Variants in SERGEF observed in about 807,000 individuals in gnomAD.
SERGEF encodes the protein secretion-regulating guanine nucleotide exchange factor.
Under a neutral mutation model 50.0 loss-of-function variants are expected in SERGEF, and 51 were observed. That is an observed-to-expected ratio of 1.02 (90% CI 0.81 to 1.29). The LOEUF is 1.29. Among genes scored for constraint, SERGEF ranks in the 50% most tolerant of loss-of-function variants. The pLI is 0.00. For missense variants in SERGEF, 521 were observed against 557.0 expected (o/e 0.94, Z 0.65); for synonymous variants, 205 against 212.4 (o/e 0.97, Z 0.30).
At chr11:17,883,976 G>A (rs1410146294) in intron 9 of SERGEF, among the ~76,000 whole-genome samples, 3 of 152,134 alleles carry the variant, frequency 2.0e-5, no homozygotes, top group Admixed American at 2.0e-4. Flanking sequence ...GGTGGGAAAC[G>A]AACACCGGGT....
chr11:17,894,632 A>G (rs555319861), intron 9 of SERGEF, among the ~76,000 whole-genome samples: 6 of 152,294 alleles, frequency 3.9e-5, no homozygotes, highest in African/African-American at 1.2e-4. Context: ...TGTACATAGT[A>G]GGTCTTAATG....
intron 10 of SERGEF, among the ~76,000 whole-genome samples, chr11:17,862,814 G>A (rs1422354824): frequency 6.6e-6 from 1 of 152,168 alleles, no homozygotes; most frequent in Admixed American, 6.5e-5. Flanking sequence ...TGGACTGCCT[G>A]GCCATTGTCA....
At chr11:18,011,352 G>C (rs970794153) in intron 1 of SERGEF, among the ~76,000 whole-genome samples, 2 of 152,166 alleles carry the variant, frequency 1.3e-5, no homozygotes, top group Non-Finnish European at 2.9e-5. Flanking sequence ...TAAAAGAAGA[G>C]ACACCACGGA....
At chr11:17,972,434 T>C (rs1367674888) in intron 8 of SERGEF, among the ~76,000 whole-genome samples, 1 of 152,176 alleles carries the variant, frequency 6.6e-6, no homozygotes, top group Non-Finnish European at 1.5e-5. Flanking sequence ...CAAGACCTTC[T>C]TCTAAAAGGC....
intron 10 of SERGEF, among the ~76,000 whole-genome samples, chr11:17,857,501 T>C (rs1405008064): frequency 6.6e-6 from 1 of 152,238 alleles, no homozygotes; most frequent in Admixed American, 6.5e-5. Context: ...AGCATCTGTC[T>C]AAGAGCTCCC....
At chr11:18,000,357 T>C (rs1027917725) in intron 5 of SERGEF, 140 bp downstream of exon 5, 1 of 592,394 alleles carries the variant, frequency 1.7e-6, no homozygotes, top group Admixed American at 3.6e-5. Flanking sequence ...GCTGAGGCAG[T>C]TAGACAGCTT....
intron 10 of SERGEF, among the ~76,000 whole-genome samples, chr11:17,812,988 C>T (rs1046688755): frequency 6.6e-6 from 1 of 152,270 alleles, no homozygotes; most frequent in South Asian, 2.1e-4. Flanking sequence ...ACTTTTCTGC[C>T]AACAGGACTG....
chr11:17,970,259 T>C (rs1374794635), intron 8 of SERGEF, among the ~76,000 whole-genome samples: 1 of 152,242 alleles, frequency 6.6e-6, no homozygotes, highest in African/African-American at 2.4e-5. Flanking sequence ...TTCATTGTTA[T>C]TATTACATCT....
intron 5 of SERGEF, among the ~76,000 whole-genome samples, chr11:17,997,489 AT>A (rs1245666483): frequency 6.6e-6 from 1 of 152,234 alleles, no homozygotes; most frequent in African/African-American, 2.4e-5. Flanking sequence ...AAAATTAAAA[AT>A]AGAATTACCA....
At chr11:17,944,878 A>G (rs1852628158) in intron 9 of SERGEF, among the ~76,000 whole-genome samples, 1 of 152,254 alleles carries the variant, frequency 6.6e-6, no homozygotes, top group African/African-American at 2.4e-5. Context: ...GAATTAAAAG[A>G]TCAAATAGTA....
At chr11:17,957,722 G>T (rs1852903643) in intron 9 of SERGEF, among the ~76,000 whole-genome samples, 1 of 144,876 alleles carries the variant, frequency 6.9e-6, no homozygotes, top group Non-Finnish European at 1.5e-5. Context: ...GTTCAACAGA[G>T]ATTCACTAGT....
At chr11:17,986,503 A>G (rs113748290) in intron 8 of SERGEF, among the ~76,000 whole-genome samples, 1 of 152,388 alleles carries the variant, frequency 6.6e-6, no homozygotes, top group African/African-American at 2.4e-5. Flanking sequence ...GCTGAGCTCC[A>G]GAGCAGCTGG....
In SERGEF at chr11:17,920,975, T is replaced by C. The variant is rs114097807; in HGVS notation, c.1011+38495A>G. On this transcript the variant is annotated intron_variant, in intron 9 of 10. Transcript: ENST00000265965. ...GGGGAATGTATTTAACAAAGGGACA[T>C]GTTCTATTTCCCTTTTTAACACCCA... Among the ~76,000 whole-genome samples, 876 of 152,330 alleles carry C rather than the reference T, an allele frequency of 5.8e-3. 7 individuals are homozygous for C. Among genetic ancestry groups the C allele is most frequent in the African/African-American group, 0.02 (823 of 41,578 alleles).
intron 10 of SERGEF, among the ~76,000 whole-genome samples, chr11:17,852,679 A>C (rs2023902): frequency 0.16 from 25,024 of 152,272 alleles, 2,341 homozygotes; most frequent in Middle Eastern, 0.29. Context: ...TCTGAAAAGC[A>C]AAGAAGTAGG....
In SERGEF at chr11:17,798,332, C is replaced by T. The variant is rs78964720; in HGVS notation, c.1049-9919G>A. Among the ~76,000 whole-genome samples, 468 of 152,366 alleles carry T rather than the reference C, an allele frequency of 3.1e-3. 10 individuals carry two copies. The highest frequency in any genetic ancestry group is 0.024 in the Admixed American group (369 of 15,304). ...ACCTCCCCGCTCCTCTCAACCACCC[C>T]CTGGCATCACTGCAGGCACCTCATC... On this transcript the variant is annotated intron_variant, in intron 10 of 10. Coordinates refer to ENST00000265965, the MANE Select transcript of SERGEF (RefSeq NM_012139.4).
intron 10 of SERGEF, among the ~76,000 whole-genome samples, chr11:17,862,224 C>T (rs1309093975): frequency 1.3e-5 from 2 of 152,228 alleles, no homozygotes; most frequent in African/African-American, 4.8e-5. Context: ...TTAAGACCCA[C>T]TTCAAGGATC....
At chr11:17,957,648 A>T (rs79640498) in intron 9 of SERGEF, among the ~76,000 whole-genome samples, 2,737 of 152,254 alleles carry the variant, frequency 0.018, 81 homozygotes, top group African/African-American at 0.062. Context: ...ATCAAAAGTC[A>T]TAAAGATGCT....
At chr11:17,814,341 T>G (rs982168608) in intron 10 of SERGEF, among the ~76,000 whole-genome samples, 3 of 152,228 alleles carry the variant, frequency 2.0e-5, no homozygotes, top group African/African-American at 7.2e-5. Context: ...ATCTCCAGAC[T>G]GCAACAGAGA....
intron 4 of SERGEF, among the ~76,000 whole-genome samples, chr11:18,002,619 C>T (rs1853987740): frequency 6.6e-6 from 1 of 152,188 alleles, no homozygotes; most frequent in Non-Finnish European, 1.5e-5. Flanking sequence ...TCTTCTCACC[C>T]CACCTTCCCC....
Sources: gnomAD v4.1 joint callset for allele counts (sites outside exome capture counted in the v4.1 genomes callset) on GRCh38, gnomAD v4.1.1 for gene constraint, MANE v1.5 for transcripts, NCBI Gene and HGNC (gene_info 2026-07-23, HGNC 2026-07-21) for gene names.